The following XRCC2 variants were observed in gnomAD, a reference collection of about 807,000 sequenced individuals.
XRCC2 encodes X-ray repair cross complementing 2.
Under a neutral mutation model 27.3 loss-of-function variants are expected in XRCC2, and 24 were observed. That is an observed-to-expected ratio of 0.88 (90% CI 0.64 to 1.24). The LOEUF is 1.24. Ranked by LOEUF, XRCC2 falls within the 50% of genes most tolerant of loss-of-function variation. The pLI, the probability that XRCC2 is intolerant of heterozygous loss-of-function variation, is 0.00. For missense variants in XRCC2, 321 were observed against 325.8 expected (o/e 0.99, Z 0.11); for synonymous variants, 106 against 115.4 (o/e 0.92, Z 0.52).
At chr7:152,675,695 G>T (rs572631729) in intron 1 of XRCC2, among the ~76,000 whole-genome samples, 1 of 152,174 alleles carries the variant, frequency 6.6e-6, no homozygotes, top group African/African-American at 2.4e-5. Flanking sequence ...CATTTCCAAC[G>T]GTAGTTAATT....
chr7:152,657,407 C>G (rs2098031148), intron 2 of XRCC2, among the ~76,000 whole-genome samples: 2 of 151,792 alleles, frequency 1.3e-5, no homozygotes, highest in Non-Finnish European at 2.9e-5. Context: ...CCAAGCAATT[C>G]TCCTGTCTCA....
intron 2 of XRCC2, among the ~76,000 whole-genome samples, chr7:152,657,970 T>G (rs10225681): frequency 2.5e-4 from 3 of 11,870 alleles, no homozygotes; most frequent in African/African-American, 5.8e-4. Context: ...GTTTTTTTTT[T>G]TCTTTTTCTT....
intron 2 of XRCC2, among the ~76,000 whole-genome samples, chr7:152,658,366 G>A (rs1460522566): frequency 6.6e-6 from 1 of 152,062 alleles, no homozygotes; most frequent in Non-Finnish European, 1.5e-5. Flanking sequence ...CGGCCAGGCT[G>A]GTCTCCAACT....
At chr7:152,649,975 G>A (rs2098027838) in intron 2 of XRCC2, among the ~76,000 whole-genome samples, 1 of 152,118 alleles carries the variant, frequency 6.6e-6, no homozygotes, top group African/African-American at 2.4e-5. Flanking sequence ...GAAGACAGAA[G>A]GTACCCAGGA....
intron 1 of XRCC2, among the ~76,000 whole-genome samples, chr7:152,663,349 A>T (rs890635857): frequency 0.028 from 2,296 of 82,414 alleles, 88 homozygotes; most frequent in African/African-American, 0.079. Flanking sequence ...TTTGAAGTAA[A>T]AAAAAAAAAA....
At chr7:152,671,663 A>C (rs1019422821) in intron 1 of XRCC2, among the ~76,000 whole-genome samples, 1 of 152,206 alleles carries the variant, frequency 6.6e-6, no homozygotes, top group African/African-American at 2.4e-5. Flanking sequence ...GAATTCCAGG[A>C]TAAGGTTGGA....
At chr7:152,652,503 T>C (rs1026520090) in intron 2 of XRCC2, among the ~76,000 whole-genome samples, 2 of 152,182 alleles carry the variant, frequency 1.3e-5, no homozygotes, top group African/African-American at 4.8e-5. Flanking sequence ...TCTAGAGTAC[T>C]GCATGCCTTA....
rs2098025226 is a variant in XRCC2 at position 152,645,184 on chromosome 7, T to G, written c.*3458A>C. On this transcript the variant is annotated 3_prime_UTR_variant, in exon 3 of 3. Transcript: ENST00000359321. Reference sequence around the variant, plus strand: ...TTTGTAATTTTCTCCAAAAAGGTCTTGCATATTTTTATTAGATTTATTTCT... The same window carrying G: ...TTTGTAATTTTCTCCAAAAAGGTCTGGCATATTTTTATTAGATTTATTTCT... 6.6e-6 allele frequency: 1 copy of G among 150,838 alleles called. No individual in the cohort carries two copies. Among genetic ancestry groups the G allele is most frequent in the South Asian group, 2.1e-4 (1 of 4,744 alleles). The allele number at this position is 150,838 out of a possible 1,614,324, so 9.3% of individuals were successfully genotyped here. A position where few individuals can be genotyped will look rare whatever the true frequency, so the allele number is the denominator to read the frequency against.
chr7:152,662,490 G>A (rs1768509914), intron 1 of XRCC2, among the ~76,000 whole-genome samples: 1 of 147,964 alleles, frequency 6.8e-6, no homozygotes, highest in African/African-American at 2.5e-5. Flanking sequence ...AATCAGCACA[G>A]ATTTGACAAC....
intron 2 of XRCC2, among the ~76,000 whole-genome samples, chr7:152,654,809 T>G (rs2116993780): frequency 6.6e-6 from 1 of 152,352 alleles, no homozygotes. Flanking sequence ...AAAAAAGGCT[T>G]TTATAACAAC....
chr7:152,657,112 T>G (rs1156502105), intron 2 of XRCC2, among the ~76,000 whole-genome samples: 1 of 151,354 alleles, frequency 6.6e-6, no homozygotes, highest in Non-Finnish European at 1.5e-5. Context: ...AGCACACACC[T>G]GTAGTCCCAG....
rs1376191887 is a variant in XRCC2, at chr7:152,647,721, C to T, written c.*921G>A. 5 of 152,124 alleles carry T rather than the reference C, an allele frequency of 3.3e-5. No homozygotes were observed. The highest frequency in any genetic ancestry group is 4.8e-5 in the African/African-American group (2 of 41,434). The allele number at this position is 152,124 out of a possible 1,614,324, so 9.4% of individuals were successfully genotyped here. ...CAAAAAAATTATAGGTGTGTGGTCT[C>T]ATTTCTAAATTCTCTATTCTGTTCC... On this transcript the variant is annotated 3_prime_UTR_variant, in exon 3 of 3. Coordinates refer to ENST00000359321, the MANE Select transcript of XRCC2 (RefSeq NM_005431.2).
chr7:152,675,170 G>A (rs1162544340), intron 1 of XRCC2, among the ~76,000 whole-genome samples: 1 of 152,044 alleles, frequency 6.6e-6, no homozygotes, highest in Non-Finnish European at 1.5e-5. Flanking sequence ...AATACTTGCA[G>A]TTATCTAAAT....
chr7:152,657,806 G>T (rs561760658), intron 2 of XRCC2, among the ~76,000 whole-genome samples: 2 of 151,696 alleles, frequency 1.3e-5, no homozygotes, highest in Non-Finnish European at 2.9e-5. Flanking sequence ...AAATAATTCA[G>T]AAAAATATAG....
intron 1 of XRCC2, among the ~76,000 whole-genome samples, chr7:152,668,677 C>T (rs570188336): frequency 4.6e-5 from 7 of 152,174 alleles, no homozygotes; most frequent in Admixed American, 1.3e-4. Flanking sequence ...GCAACCTTTC[C>T]GAGGCAAAAT....
At position 152,646,146 on chromosome 7, in the gene XRCC2, G is replaced by A. The variant is rs1179931790; in HGVS notation, c.*2496C>T. The A allele has an allele frequency of 6.6e-6, 1 of 152,130 alleles. No individual in the cohort carries two copies. Among genetic ancestry groups the A allele is most frequent in the Non-Finnish European group, 1.5e-5 (1 of 68,038 alleles). 9.4% of individuals were successfully genotyped at this position (152,130 alleles called of 1,614,324 possible). On this transcript the variant is annotated 3_prime_UTR_variant, in exon 3 of 3. Transcript: ENST00000359321. ...TATGCCCCTTTTCTATCCTTGAGTG[G>A]TTAAGAAATCAAAAGGTGCAGACCC... is the stretch of plus-strand genomic sequence containing the variant.
At chr7:152,669,490 GC>G (rs1389185783) in intron 1 of XRCC2, among the ~76,000 whole-genome samples, 2 of 151,968 alleles carry the variant, frequency 1.3e-5, no homozygotes, top group Non-Finnish European at 2.9e-5. Context: ...CTCACTGCAA[GC>G]CCCTGGGTTC....
chr7:152,676,117 C>G lies in XRCC2; in HGVS notation c.-38G>C. On this transcript the variant is annotated 5_prime_UTR_variant, in exon 1 of 3. Coordinates refer to ENST00000359321, the MANE Select transcript of XRCC2 (RefSeq NM_005431.2). ...TCGGCGCAGGAGAGACTCAACTTTCCCGCCACCAACGCCATTCACCAACTG... is the reference window on the plus strand; with the variant it reads ...TCGGCGCAGGAGAGACTCAACTTTCGCGCCACCAACGCCATTCACCAACTG... The G allele has an allele frequency of 1.9e-6, 3 of 1,613,416 alleles. No homozygotes were observed. Among genetic ancestry groups the G allele is most frequent in the Non-Finnish European group, 2.5e-6 (3 of 1,179,678 alleles).
chr7:152,649,013 C>G lies in XRCC2; in HGVS notation c.472G>C (p.Asp158His). ...ACACTTTCTCCTCCATTGACGCGGT[C>G]TATCCAGTAAAAAGCTGACAGGCTA... ...LDSLSAFYWIDRVNGGESVNL... is the reference protein window; with the variant it reads ...LDSLSAFYWIHRVNGGESVNL... Residue 158 changes from aspartate to histidine, a missense_variant, in exon 3 of 3, where the codon GAC becomes CAC. Transcript: ENST00000359321. 1 of 1,614,160 alleles carries G rather than the reference C, an allele frequency of 6.2e-7. No homozygotes were observed. Among genetic ancestry groups the G allele is most frequent in the Non-Finnish European group, 8.5e-7 (1 of 1,180,038 alleles).
Sources: allele counts gnomAD v4.1 joint callset (sites outside exome capture counted in the v4.1 genomes callset), GRCh38; gene constraint gnomAD v4.1.1; transcripts MANE v1.5; gene names NCBI Gene and HGNC (gene_info 2026-07-23, HGNC 2026-07-21).